PTPRD: variants seen among roughly 807,000 people sequenced by gnomAD.
The protein encoded by PTPRD is protein tyrosine phosphatase receptor type D.
Under a neutral mutation model 214.5 loss-of-function variants are expected in PTPRD, and 34 were observed. That is an observed-to-expected ratio of 0.16 (90% CI 0.12 to 0.21). PTPRD has a LOEUF of 0.21. Among genes scored for constraint, PTPRD ranks in the 10% least tolerant of loss-of-function variants. PTPRD has a pLI of 1.00. For missense variants in PTPRD, 2,545 were observed against 2,398.7 expected, an observed-to-expected ratio of 1.06 and a Z score of -1.27; for synonymous variants, 1,128 against 845.7, an observed-to-expected ratio of 1.33 and a Z score of -5.79.
At chr9:9,141,997 T>G (rs1247538778) in intron 10 of PTPRD, among the ~76,000 whole-genome samples, 1 of 152,220 alleles carries the variant, frequency 6.6e-6, no homozygotes, top group Admixed American at 6.5e-5. Context: ...ATAGACATAT[T>G]CATCCTTATA....
chr9:8,392,125 C>T (rs1338894929), intron 36 of PTPRD, among the ~76,000 whole-genome samples: 2 of 152,028 alleles, frequency 1.3e-5, no homozygotes, highest in Admixed American at 1.3e-4. Flanking sequence ...TAATTCATGC[C>T]TATAATCCCA....
At chr9:10,509,839 C>T (rs1412122020) in intron 2 of PTPRD, among the ~76,000 whole-genome samples, 1 of 151,606 alleles carries the variant, frequency 6.6e-6, no homozygotes, top group Non-Finnish European at 1.5e-5. Context: ...TGTATACCAA[C>T]TCATATATAT....
chr9:9,354,992 C>A (rs1339744322), intron 9 of PTPRD, among the ~76,000 whole-genome samples: 2 of 151,576 alleles, frequency 1.3e-5, no homozygotes, highest in Non-Finnish European at 2.9e-5. Context: ...GGAAAGGTAC[C>A]AGATAATTAG....
intron 11 of PTPRD, among the ~76,000 whole-genome samples, chr9:8,841,732 C>T (rs755316268): frequency 9.9e-5 from 15 of 151,506 alleles, no homozygotes; most frequent in Non-Finnish European, 1.6e-4. Context: ...ATGACATCAG[C>T]CTGGCACGGT....
At chr9:10,201,127 C>G (rs2099418364) in intron 3 of PTPRD, among the ~76,000 whole-genome samples, 1 of 151,902 alleles carries the variant, frequency 6.6e-6, no homozygotes, top group Non-Finnish European at 1.5e-5. Context: ...CTGACTCTTG[C>G]TTGGAAAAGA....
At chr9:9,992,572 T>C (rs2154080934) in intron 4 of PTPRD, among the ~76,000 whole-genome samples, 1 of 152,276 alleles carries the variant, frequency 6.6e-6, no homozygotes, top group African/African-American at 2.4e-5. Context: ...AATGATAGAC[T>C]GGGTTAAGAA....
At chr9:10,386,156 G>C (rs1255598254) in intron 2 of PTPRD, among the ~76,000 whole-genome samples, 5 of 151,728 alleles carry the variant, frequency 3.3e-5, no homozygotes, top group African/African-American at 1.2e-4. Flanking sequence ...AAAATACATA[G>C]AGTCAAGCTC....
At chr9:9,461,713 C>A (rs944550344) in intron 8 of PTPRD, among the ~76,000 whole-genome samples, 3 of 152,008 alleles carry the variant, frequency 2.0e-5, no homozygotes, top group African/African-American at 7.2e-5. Context: ...TGTTCATAAC[C>A]TCTATGTTAG....
chr9:9,093,088 G>A (rs2099778567), intron 10 of PTPRD, among the ~76,000 whole-genome samples: 1 of 151,972 alleles, frequency 6.6e-6, no homozygotes, highest in Admixed American at 6.6e-5. Context: ...GGGATATGGA[G>A]GGACATTGCA....
chr9:10,356,868 C>T (rs758446761), intron 2 of PTPRD, among the ~76,000 whole-genome samples: 32 of 151,294 alleles, frequency 2.1e-4, no homozygotes, highest in South Asian at 6.3e-4. Context: ...TTAGTAGAGA[C>T]GGGGGTTTCA....
rs1156721732 is a variant in PTPRD at position 9,593,818 on chromosome 9, T to A, written c.-286-19037A>T. Reference sequence around the variant, plus strand: ...ATTCACTTGTAATCTGAAGAAATCATCCCTTCTTCAACACAGCACCCCACC... The same window carrying A: ...ATTCACTTGTAATCTGAAGAAATCAACCCTTCTTCAACACAGCACCCCACC... On this transcript the variant is annotated intron_variant, in intron 7 of 45. Coordinates refer to ENST00000381196, the MANE Select transcript of PTPRD (RefSeq NM_002839.4). Among the ~76,000 whole-genome samples, 4 of 152,098 alleles carry A rather than the reference T, an allele frequency of 2.6e-5. No individual in the cohort carries two copies. The East Asian group carries it at 5.8e-4, about 22-fold the overall frequency.
At chr9:10,345,648 T>C (rs1355334435) in intron 2 of PTPRD, among the ~76,000 whole-genome samples, 1 of 152,242 alleles carries the variant, frequency 6.6e-6, no homozygotes, top group African/African-American at 2.4e-5. Context: ...CCACATTTTC[T>C]TTTTCCAGTC....
intron 5 of PTPRD, among the ~76,000 whole-genome samples, chr9:9,839,375 T>C (rs1169487969): frequency 6.6e-6 from 1 of 152,052 alleles, no homozygotes; most frequent in Admixed American, 6.6e-5. Context: ...AAAATCAATG[T>C]ACAAAAATCA....
intron 10 of PTPRD, among the ~76,000 whole-genome samples, chr9:9,165,770 T>C (rs540145111): frequency 1.0e-3 from 157 of 152,310 alleles, no homozygotes; most frequent in African/African-American, 3.6e-3. Context: ...TGTGTGATAT[T>C]AAAGGATGTC....
intron 3 of PTPRD, among the ~76,000 whole-genome samples, chr9:10,235,968 T>C (rs920861554): frequency 7.2e-5 from 11 of 151,938 alleles, no homozygotes; most frequent in African/African-American, 2.4e-4. Context: ...ACAGTGGTTC[T>C]GGGAACTAGC....
intron 9 of PTPRD, among the ~76,000 whole-genome samples, chr9:9,296,041 C>G (rs1952898963): frequency 6.6e-6 from 1 of 151,694 alleles, no homozygotes; most frequent in Non-Finnish European, 1.5e-5. Context: ...GTAATGAGGA[C>G]TCAGATGATC....
At chr9:10,577,643 C>T (rs1323794883) in intron 2 of PTPRD, among the ~76,000 whole-genome samples, 1 of 152,138 alleles carries the variant, frequency 6.6e-6, no homozygotes, top group African/African-American at 2.4e-5. Context: ...CAATTTGTTA[C>T]AGCAGCAGTA....
At chr9:10,533,580 A>T (rs1341878597) in intron 2 of PTPRD, among the ~76,000 whole-genome samples, 3 of 151,894 alleles carry the variant, frequency 2.0e-5, no homozygotes, top group Non-Finnish European at 4.4e-5. Flanking sequence ...CATAAACCTC[A>T]TGTCACACAC....
At chr9:10,281,215 G>A (rs1443773603) in intron 3 of PTPRD, among the ~76,000 whole-genome samples, 1 of 152,140 alleles carries the variant, frequency 6.6e-6, no homozygotes, top group Non-Finnish European at 1.5e-5. Flanking sequence ...AATGATTAAA[G>A]TTTTCCAGGG....
Sources: allele counts gnomAD v4.1 joint callset (sites outside exome capture counted in the v4.1 genomes callset), GRCh38; gene constraint gnomAD v4.1.1; transcripts MANE v1.5; gene names NCBI Gene and HGNC (gene_info 2026-07-23, HGNC 2026-07-21).